ATR: variants seen among roughly 807,000 people sequenced by gnomAD.
ATR encodes ATR checkpoint kinase, also known as serine/threonine-protein kinase ATR.
ATR carries 142 observed loss-of-function variants against 305.3 expected under a neutral mutation model. The observed-to-expected ratio is 0.47, with a 90% CI of 0.41 to 0.53. ATR has a LOEUF of 0.53. Ranked by LOEUF, ATR falls within the 20% of genes least tolerant of loss-of-function variation. The pLI, the probability that ATR is intolerant of heterozygous loss-of-function variation, is 0.00. For synonymous variants in ATR, 1,050 were observed against 1,068.1 expected (o/e 0.98, Z 0.33); for missense variants, 2,135 against 3,133.1 (o/e 0.68, Z 7.60).
At position 142,561,329 on chromosome 3, in the gene ATR, G is replaced by A. The variant is rs2034870834; in HGVS notation, c.1263C>T (p.Ser421=). Residue 421 remains serine (S), a synonymous_variant, in exon 5 of 47, where the codon AGC becomes AGT. Transcript: ENST00000350721. ...TGGGTGATATTCCATCACTATTACTGCTGAGGTTTTCCTGTTGAGTTTGGC... is the reference window on the plus strand; with the variant it reads ...TGGGTGATATTCCATCACTATTACTACTGAGGTTTTCCTGTTGAGTTTGGC... The part of the protein sequence containing the change: ...IQCQTQQENL[S]SNSDGISPKR... 6.2e-7 allele frequency: 1 copy of A among 1,614,010 alleles called. No homozygotes were observed. The highest frequency in any genetic ancestry group is 8.5e-7 in the Non-Finnish European group (1 of 1,179,900).
chr3:142,545,225 AGTAT>A (rs2034221520), intron 16 of ATR, among the ~76,000 whole-genome samples: 1 of 152,220 alleles, frequency 6.6e-6, no homozygotes, highest in African/African-American at 2.4e-5. Flanking sequence ...ATAAGTAGTA[AGTAT>A]GTAAACAAAG....
At chr3:142,463,530 G>A (rs2071063925) in intron 41 of ATR, among the ~76,000 whole-genome samples, 1 of 152,118 alleles carries the variant, frequency 6.6e-6, no homozygotes, top group Non-Finnish European at 1.5e-5. Context: ...CCAAGTAGCT[G>A]GGAATACTGG....
intron 17 of ATR, among the ~76,000 whole-genome samples, chr3:142,541,760 T>C (rs1400114088): frequency 6.6e-6 from 1 of 152,112 alleles, no homozygotes; most frequent in African/African-American, 2.4e-5. Context: ...GCCATGTAGA[T>C]GGAATAGTAG....
intron 27 of ATR, among the ~76,000 whole-genome samples, chr3:142,508,767 C>A (rs2032387380): frequency 6.6e-6 from 1 of 151,674 alleles, no homozygotes; most frequent in South Asian, 2.1e-4. Flanking sequence ...ACTAAAAATA[C>A]AAAAAAATTA....
intron 24 of ATR, among the ~76,000 whole-genome samples, chr3:142,517,944 A>G (rs2032938435): frequency 6.6e-6 from 1 of 152,206 alleles, no homozygotes; most frequent in African/African-American, 2.4e-5. Context: ...CCTAACAATA[A>G]TCATACAAAG....
At chr3:142,474,598 AATTC>A in intron 36 of ATR, among the ~76,000 whole-genome samples, 1 of 152,290 alleles carries the variant, frequency 6.6e-6, no homozygotes, top group South Asian at 2.1e-4. Context: ...AACTTTATTG[AATTC>A]ATTTATTTGT....
chr3:142,498,296 G>C (rs981266270), intron 32 of ATR, among the ~76,000 whole-genome samples: 1 of 152,102 alleles, frequency 6.6e-6, no homozygotes, highest in Non-Finnish European at 1.5e-5. Flanking sequence ...CAATGTGCCA[G>C]GTGCTATAGA....
intron 35 of ATR, among the ~76,000 whole-genome samples, chr3:142,487,440 C>T (rs1404712289): frequency 6.6e-6 from 1 of 152,160 alleles, no homozygotes. Flanking sequence ...CCCAGCCCTA[C>T]GTGTATTATA....
chr3:142,469,693 G>T, intron 37 of ATR, 124 bp from the exon 38 acceptor site: 1 of 791,986 alleles, frequency 1.3e-6, no homozygotes, highest in Non-Finnish European at 2.0e-6. Flanking sequence ...CCATGCCCAA[G>T]GTTAGGTCAC....
chr3:142,458,819 G>A (rs2070963531), intron 44 of ATR, 139 bp downstream of exon 44: 1 of 1,002,298 alleles, frequency 1.0e-6, no homozygotes. Context: ...ATCCACTGAT[G>A]AAAACTAGTC....
At chr3:142,467,897 C>A in intron 39 of ATR, 37 bp downstream of exon 39, 1 of 1,605,382 alleles carries the variant, frequency 6.2e-7, no homozygotes, top group South Asian at 1.1e-5. Context: ...CATAATTACC[C>A]AACATCAGTT....
intron 18 of ATR, among the ~76,000 whole-genome samples, chr3:142,538,853 A>T (rs1055908301): frequency 6.6e-6 from 1 of 150,856 alleles, no homozygotes; most frequent in African/African-American, 2.4e-5. Flanking sequence ...AATTAATAAT[A>T]AAAAAAAAGT....
chr3:142,465,352 T>C, intron 40 of ATR, 112 bp from the exon 41 acceptor site: 1 of 773,176 alleles, frequency 1.3e-6, no homozygotes, highest in Non-Finnish European at 2.0e-6. Flanking sequence ...ACCAGCTATA[T>C]TATGTAGTGA....
At chr3:142,569,693 C>A (rs552964701) in intron 1 of ATR, among the ~76,000 whole-genome samples, 24 of 151,712 alleles carry the variant, frequency 1.6e-4, no homozygotes, top group African/African-American at 5.8e-4. Flanking sequence ...TGTCACCAGG[C>A]TGGAGTGCAG....
intron 41 of ATR, 105 bp from the exon 42 acceptor site, chr3:142,462,195 C>A: frequency 1.7e-6 from 2 of 1,160,716 alleles, no homozygotes; most frequent in Non-Finnish European, 2.5e-6. Flanking sequence ...CAAAGAATGT[C>A]ATTGAAGGCT....
Position 142,508,028 on chromosome 3 carries a change from G to A in ATR, c.4934C>T (p.Ser1645Phe), listed in dbSNP as rs1216055957. ...LIPQDTLAVASFRSKAYTRAV... is the reference protein window; with the variant it reads ...LIPQDTLAVAFFRSKAYTRAV... ...TCGTGTGTATGCTTTGGAGCGAAAG[G>A]AAGCTACTGCCAGAGTATCCTGGGG... is the stretch of plus-strand genomic sequence containing the variant. Residue 1645 changes from serine to phenylalanine, a missense_variant, in exon 28 of 47, where the codon TCC becomes TTC. By Grantham distance (155) the Ser-to-Phe change is radical. Coordinates refer to ENST00000350721, the MANE Select transcript of ATR (RefSeq NM_001184.4). 1 of 1,613,338 alleles carries A rather than the reference G, an allele frequency of 6.2e-7. No individual in the cohort carries two copies. The highest frequency in any genetic ancestry group is 8.5e-7 in the Non-Finnish European group (1 of 1,179,732).
intron 1 of ATR, 89 bp from the exon 2 acceptor site, chr3:142,568,243 T>A: frequency 2.1e-6 from 2 of 934,676 alleles, no homozygotes; most frequent in Non-Finnish European, 3.4e-6. Flanking sequence ...TCATCAAATG[T>A]GTTCAGTGTC....
intron 1 of ATR, among the ~76,000 whole-genome samples, chr3:142,572,771 A>G (rs983318587): frequency 1.3e-5 from 2 of 152,028 alleles, no homozygotes; most frequent in Admixed American, 6.6e-5. Flanking sequence ...CCCTGTCTCC[A>G]AAAAATAGAA....
At chr3:142,512,235 A>G (rs749834012) in intron 27 of ATR, 25 bp downstream of exon 27, 9 of 1,568,106 alleles carry the variant, frequency 5.7e-6, no homozygotes, top group South Asian at 2.3e-5. Context: ...AAAAAAAAAA[A>G]AAAGAAACAG....
Sources: gnomAD v4.1 joint callset for allele counts (sites outside exome capture counted in the v4.1 genomes callset) on GRCh38, gnomAD v4.1.1 for gene constraint, MANE v1.5 for transcripts, NCBI Gene and HGNC (gene_info 2026-07-23, HGNC 2026-07-21) for gene names.